Variants in BCL2L11 observed in about 807,000 individuals in gnomAD.
The protein encoded by BCL2L11 is BCL2 like 11, also known as bcl-2-like protein 11.
In BCL2L11, 15 loss-of-function variants were observed where a neutral mutation model predicts 20.6. The observed-to-expected ratio is 0.73, with a 90% CI of 0.49 to 1.12. The LOEUF (loss-of-function observed/expected upper bound fraction) is 1.12, where lower values mean the gene tolerates loss of function less well. Ranked by LOEUF, BCL2L11 falls within the 50% of genes most tolerant of loss-of-function variation. The pLI is 0.00. For missense variants in BCL2L11, 292 were observed against 260.9 expected, an observed-to-expected ratio of 1.12 and a Z score of -0.82; for synonymous variants, 108 against 92.8, an observed-to-expected ratio of 1.16 and a Z score of -0.94.
intron 2 of BCL2L11, among the ~76,000 whole-genome samples, chr2:111,125,375 A>G (rs1200260249): frequency 6.6e-6 from 1 of 152,216 alleles, no homozygotes; most frequent in Non-Finnish European, 1.5e-5. Flanking sequence ...GAAAAGGTTC[A>G]TGTCTTGATC....
intron 2 of BCL2L11, among the ~76,000 whole-genome samples, chr2:111,127,009 A>G (rs911203237): frequency 1.1e-5 from 1 of 93,438 alleles, no homozygotes; most frequent in Non-Finnish European, 2.1e-5. Context: ...CTGTTTTCAT[A>G]TTTTCCTTTT....
Position 111,124,151 on chromosome 2 carries a change from C to G in BCL2L11, c.394+12C>G, listed in dbSNP as rs748115356. ...TCTCAGTGCAATGGGTAAGCAATGCCTGGGTAAGAGGCAGTTGACGTGTGG... is the reference window on the plus strand; with the variant it reads ...TCTCAGTGCAATGGGTAAGCAATGCGTGGGTAAGAGGCAGTTGACGTGTGG... On this transcript the variant is annotated intron_variant, in intron 2 of 3. Transcript: ENST00000393256. The G allele has an allele frequency of 1.0e-5, 16 of 1,593,864 alleles. No homozygotes were observed. In the South Asian group the frequency reaches 1.5e-4, roughly 15 times the overall value.
chr2:111,138,463 C>T (rs1270375349), intron 2 of BCL2L11, among the ~76,000 whole-genome samples: 2 of 152,204 alleles, frequency 1.3e-5, no homozygotes, highest in Admixed American at 1.3e-4. Context: ...AGCAGCCTGT[C>T]ACTGGGCATG....
chr2:111,152,513 G>T (rs1373244051), intron 3 of BCL2L11, among the ~76,000 whole-genome samples: 1 of 152,248 alleles, frequency 6.6e-6, no homozygotes, highest in East Asian at 1.9e-4. Flanking sequence ...GGCCTGCCCA[G>T]ATGGACCTGG....
intron 2 of BCL2L11, among the ~76,000 whole-genome samples, chr2:111,147,346 T>TCTCTCTCTCTCTCTCTCTCTCTCTCTCA (rs760779894): frequency 3.6e-5 from 5 of 137,332 alleles, no homozygotes; most frequent in African/African-American, 1.4e-4. Flanking sequence ...TCTCTCTCTC[T>TCTCTCTCTCTCTCTCTCTCTCTCTCTCA]CACACACACA....
intron 2 of BCL2L11, among the ~76,000 whole-genome samples, chr2:111,147,435 A>G (rs2076706545): frequency 6.6e-6 from 1 of 151,820 alleles, no homozygotes; most frequent in Non-Finnish European, 1.5e-5. Flanking sequence ...GTTTATATCC[A>G]TGAATTTATT....
At chr2:111,151,572 TTTGA>T (rs2077262944) in intron 3 of BCL2L11, among the ~76,000 whole-genome samples, 1 of 152,224 alleles carries the variant, frequency 6.6e-6, no homozygotes, top group South Asian at 2.1e-4. Flanking sequence ...GGATTTTACC[TTTGA>T]TTATTATTTT....
At chr2:111,144,047 A>C (rs2076191983) in intron 2 of BCL2L11, among the ~76,000 whole-genome samples, 1 of 152,190 alleles carries the variant, frequency 6.6e-6, no homozygotes, top group East Asian at 1.9e-4. Context: ...GTTTCTTTTG[A>C]CCATGGCTCC....
chr2:111,121,556 G>C (rs1358697657), intron 1 of BCL2L11, among the ~76,000 whole-genome samples: 1 of 152,202 alleles, frequency 6.6e-6, no homozygotes, highest in Non-Finnish European at 1.5e-5. Flanking sequence ...TGTGCGCCCA[G>C]CTGGAAAGTC....
intron 2 of BCL2L11, chr2:111,131,214 G>A (rs1233913576): frequency 3.5e-5 from 5 of 143,830 alleles, no homozygotes; most frequent in South Asian, 4.5e-4. Context: ...TTTTTTTGGC[G>A]GGGGATGGGG....
intron 1 of BCL2L11, 135 bp from the exon 2 acceptor site, chr2:111,123,598 G>C (rs983149213): frequency 8.2e-7 from 1 of 1,217,726 alleles, no homozygotes; most frequent in East Asian, 3.2e-5. Flanking sequence ...TTATTTGGGA[G>C]ATTGTCAGAA....
At chr2:111,144,504 A>G (rs1165355455) in intron 2 of BCL2L11, 5 of 1,550,500 alleles carry the variant, frequency 3.2e-6, no homozygotes, top group Non-Finnish European at 4.4e-6. Context: ...GGGACTAGAA[A>G]CAGCTCCATC....
chr2:111,128,959 G>C (rs1009492211), intron 2 of BCL2L11: 1 of 788,098 alleles, frequency 1.3e-6, no homozygotes, highest in Non-Finnish European at 1.9e-6. Context: ...AGGAGCTGGA[G>C]TGTGCAGTGC....
At chr2:111,146,478 T>C (rs2076527055) in intron 2 of BCL2L11, among the ~76,000 whole-genome samples, 1 of 152,228 alleles carries the variant, frequency 6.6e-6, no homozygotes, top group South Asian at 2.1e-4. Context: ...GAGCAGCGTG[T>C]GTTTGGAGAT....
chr2:111,122,253 G>C (rs2071196056), intron 1 of BCL2L11, among the ~76,000 whole-genome samples: 1 of 152,252 alleles, frequency 6.6e-6, no homozygotes, highest in Non-Finnish European at 1.5e-5. Flanking sequence ...GACTGGGCCT[G>C]GGGATGGCCC....
chr2:111,142,340 T>C (rs1358102172), intron 2 of BCL2L11: 3 of 1,550,582 alleles, frequency 1.9e-6, no homozygotes, highest in Non-Finnish European at 2.6e-6. Flanking sequence ...TCCCTCAGAA[T>C]TGCCCTTCAT....
intron 2 of BCL2L11, among the ~76,000 whole-genome samples, chr2:111,124,642 G>A (rs1000943492): frequency 3.3e-5 from 5 of 152,146 alleles, no homozygotes; most frequent in Non-Finnish European, 7.3e-5. Flanking sequence ...ATGAGTTGAG[G>A]TCCAAACATT....
rs911222512 is a variant in BCL2L11 at position 111,164,652 on chromosome 2, A to G, written c.*421A>G. 6.4e-6 allele frequency: 1 copy of G among 156,134 alleles called. No homozygotes were observed. Among genetic ancestry groups the G allele is most frequent in the Non-Finnish European group, 1.4e-5 (1 of 69,934 alleles). The allele number at this position is 156,134 out of a possible 1,614,324, so 9.7% of individuals were successfully genotyped here. ...ACCTACGGCCTATTCTCAGAGGATT[A>G]TGTAACCCCTGCAGTGGAAACTGAG... On this transcript the variant is annotated 3_prime_UTR_variant, in exon 4 of 4. Transcript: ENST00000393256.
At chr2:111,133,568 T>C (rs113170895) in intron 2 of BCL2L11, among the ~76,000 whole-genome samples, 1 of 152,208 alleles carries the variant, frequency 6.6e-6, no homozygotes, top group Non-Finnish European at 1.5e-5. Flanking sequence ...GATTCTGTTA[T>C]GGTCAGAGAG....
Sources: gnomAD v4.1 joint callset for allele counts (sites outside exome capture counted in the v4.1 genomes callset) on GRCh38, gnomAD v4.1.1 for gene constraint, MANE v1.5 for transcripts, NCBI Gene and HGNC (gene_info 2026-07-23, HGNC 2026-07-21) for gene names.